Variants in HMCN1 observed in about 807,000 individuals in gnomAD.
The protein encoded by HMCN1 is hemicentin 1.
HMCN1 carries 321 observed loss-of-function variants against 625.9 expected under a neutral mutation model. The observed-to-expected ratio is 0.51, with a 90% confidence interval of 0.47 to 0.56. HMCN1 has a LOEUF of 0.56. Among genes scored for constraint, HMCN1 ranks in the 20% least tolerant of loss-of-function variants. The pLI, the probability that HMCN1 is intolerant of heterozygous loss-of-function variation, is 0.00. For synonymous variants in HMCN1, 2,425 were observed against 2,417.6 expected, an observed-to-expected ratio of 1.00 and a Z score of -0.09; for missense variants, 6,588 against 6,887.3, an observed-to-expected ratio of 0.96 and a Z score of 1.54.
At chr1:185,866,541 A>G (rs1480368236) in intron 4 of HMCN1, among the ~76,000 whole-genome samples, 1 of 151,136 alleles carries the variant, frequency 6.6e-6, no homozygotes, top group African/African-American at 2.4e-5. Flanking sequence ...AGTAGCTGGG[A>G]CTACAGGCGC....
chr1:185,778,080 G>C (rs1407667310), intron 1 of HMCN1, among the ~76,000 whole-genome samples: 2 of 152,148 alleles, frequency 1.3e-5, no homozygotes, highest in African/African-American at 4.8e-5. Context: ...TTGAGTTTCA[G>C]ATCTTCCAGA....
At position 186,178,751 on chromosome 1, in the gene HMCN1, C is replaced by T. The variant is rs764087411; in HGVS notation, c.16279C>T (p.His5427Tyr). 1 of 1,606,812 alleles carries T rather than the reference C, an allele frequency of 6.2e-7. No homozygotes were observed. Residue 5427 changes from histidine (H) to tyrosine (Y), a missense_variant, in exon 104 of 107, where the codon CAT becomes TAT. By Grantham distance (83) the His-to-Tyr change is moderately conservative. Coordinates refer to ENST00000271588, the MANE Select transcript of HMCN1 (RefSeq NM_031935.3). ...TTGCCCTGAAGGCTCTGAGGCAAGCCATGACACATGTGTAGGTAAATGTCA... is the reference window on the plus strand; with the variant it reads ...TTGCCCTGAAGGCTCTGAGGCAAGCTATGACACATGTGTAGGTAAATGTCA... ...KTCPEGSEAS[H>Y]DTCVDIDECE... is the part of the protein sequence containing the mutation.
At position 185,951,376 on chromosome 1, in the gene HMCN1, C is replaced by G. The variant is rs185921267; in HGVS notation, c.1829-11142C>G. ...GTTTTAAGAGGTTTAGAAGCCTGGC[C>G]GTCAATACCCACAACAGTTATGGAG... On this transcript the variant is annotated intron_variant, in intron 11 of 106. Coordinates refer to ENST00000271588, the MANE Select transcript of HMCN1 (RefSeq NM_031935.3). 6.6e-5 allele frequency among the ~76,000 whole-genome samples: 10 copies of G among 150,786 alleles called. No individual in the cohort carries two copies. The South Asian group carries it at 2.1e-3, about 32-fold the overall frequency.
intron 18 of HMCN1, among the ~76,000 whole-genome samples, chr1:185,983,696 C>A (rs1651815083): frequency 6.6e-6 from 1 of 152,178 alleles, no homozygotes. Flanking sequence ...CTAATATTTG[C>A]ATCTGTTACC....
At chr1:185,741,789 C>T (rs760729993) in intron 1 of HMCN1, among the ~76,000 whole-genome samples, 21 of 152,154 alleles carry the variant, frequency 1.4e-4, no homozygotes, top group East Asian at 9.7e-4. Context: ...AATAGTTTCA[C>T]GGAGGAGATG....
intron 4 of HMCN1, among the ~76,000 whole-genome samples, chr1:185,891,956 T>C (rs58159343): frequency 0.11 from 16,884 of 147,782 alleles, 3,754 homozygotes; most frequent in African/African-American, 0.42. Flanking sequence ...ACCAATCAGA[T>C]GTAGATTTGG....
intron 26 of HMCN1, among the ~76,000 whole-genome samples, chr1:186,000,994 A>G (rs1442327239): frequency 2.6e-5 from 4 of 151,068 alleles, no homozygotes; most frequent in Non-Finnish European, 4.5e-5. Context: ...CATGTGACTT[A>G]ATTAAGACCC....
chr1:186,086,394 T>G lies in HMCN1; in HGVS notation c.9033T>G (p.Thr3011=). The G allele has an allele frequency of 6.2e-7, 1 of 1,613,118 alleles. No homozygotes were observed. The highest frequency in any genetic ancestry group is 8.5e-7 in the Non-Finnish European group (1 of 1,179,446). ...NEQPIKLNTN[T]LIVPGGRTLQ... is the part of the protein sequence containing the mutation. ...AGCCCATCAAACTGAACACAAATAC[T>G]CTCATTGTGCCTGGTAAGGAACTTC... Residue 3011 remains threonine (T), a synonymous_variant, in exon 58 of 107, where the codon ACT becomes ACG. Transcript: ENST00000271588.
At chr1:185,974,837 CT>C (rs1259776973) in intron 15 of HMCN1, among the ~76,000 whole-genome samples, 1 of 152,160 alleles carries the variant, frequency 6.6e-6, no homozygotes, top group Non-Finnish European at 1.5e-5. Flanking sequence ...CTCAAAGCTG[CT>C]TTACAATGGA....
chr1:185,753,906 G>T (rs1042773152), intron 1 of HMCN1, among the ~76,000 whole-genome samples: 9 of 152,148 alleles, frequency 5.9e-5, no homozygotes, highest in Non-Finnish European at 1.3e-4. Context: ...TGATCCAGCA[G>T]TCACACTTCT....
chr1:186,183,421 G>A (rs1052379457), intron 105 of HMCN1, among the ~76,000 whole-genome samples: 10 of 152,146 alleles, frequency 6.6e-5, no homozygotes, highest in African/African-American at 2.4e-4. Context: ...GGTCATGTGG[G>A]CCAGAGATGA....
At chr1:185,735,096 T>G in intron 1 of HMCN1, 49 bp downstream of exon 1, 2 of 1,555,816 alleles carry the variant, frequency 1.3e-6, no homozygotes, top group Non-Finnish European at 1.8e-6. Flanking sequence ...ATGATTACAT[T>G]ATTTCTCATG....
chr1:186,106,810 T>C (rs1660631452), intron 69 of HMCN1, 74 bp from the exon 70 acceptor site: 1 of 1,062,990 alleles, frequency 9.4e-7, no homozygotes, highest in Non-Finnish European at 1.5e-6. Context: ...TTTACATTCA[T>C]TCTAGTGGAT....
intron 4 of HMCN1, among the ~76,000 whole-genome samples, chr1:185,902,911 T>A (rs1048264186): frequency 6.6e-6 from 1 of 151,422 alleles, no homozygotes; most frequent in African/African-American, 2.4e-5. Context: ...CTCACTGAGA[T>A]TTGGCCATTC....
chr1:186,151,740 A>G lies in HMCN1; in HGVS notation c.14893A>G (p.Thr4965Ala), dbSNP rs986747936. 1 of 1,613,592 alleles carries G rather than the reference A, an allele frequency of 6.2e-7. No homozygotes were observed. The highest frequency in any genetic ancestry group is 8.5e-7 in the Non-Finnish European group (1 of 1,179,616). Residue 4965 changes from threonine (T) to alanine (A), a missense_variant, in exon 95 of 107, where the codon ACT (threonine) becomes GCT (alanine). Thr to Ala is a moderately conservative substitution (Grantham distance 58). Transcript: ENST00000271588. The stretch of plus-strand genomic sequence containing the variant: ...AAGAGAAACTCAAGTGGAATTTGCA[A>G]CTGGTTAGTGTCAGCTGAATTTAAT... ...FKRETQVEFATGEILQMSHIA... is the reference protein window; with the variant it reads ...FKRETQVEFAAGEILQMSHIA...
intron 36 of HMCN1, among the ~76,000 whole-genome samples, chr1:186,037,028 GT>G (rs1324895300): frequency 2.0e-5 from 3 of 151,656 alleles, no homozygotes; most frequent in Non-Finnish European, 4.4e-5. Context: ...ATTTTTTCTT[GT>G]TTTCTTTCCT....
intron 42 of HMCN1, among the ~76,000 whole-genome samples, chr1:186,049,749 A>T (rs577940303): frequency 7.4e-4 from 112 of 152,166 alleles, no homozygotes; most frequent in Admixed American, 1.8e-3. Flanking sequence ...TAAAAATAAA[A>T]CTAGATGAAA....
Position 186,007,261 on chromosome 1 carries a change from G to A in HMCN1, c.4609G>A (p.Asp1537Asn). 3 of 1,613,702 alleles carry A rather than the reference G, an allele frequency of 1.9e-6. No homozygotes were observed. Among genetic ancestry groups the A allele is most frequent in the Non-Finnish European group, 1.7e-6 (2 of 1,179,710 alleles). Residue 1537 changes from aspartate to asparagine, a missense_variant, in exon 30 of 107, where the codon GAT becomes AAT. Around this residue, in one of 3 missense-constraint regions of HMCN1, gnomAD observed 4,628 missense variants for 4,853.1 expected, o/e 0.95. Coordinates refer to ENST00000271588, the MANE Select transcript of HMCN1 (RefSeq NM_031935.3). ...VSNAAGKQAKDIKLTIYIPPS... is the reference protein window; with the variant it reads ...VSNAAGKQAKNIKLTIYIPPS... Reference sequence around the variant, plus strand: ...TAATGCAGCTGGCAAACAAGCCAAGGATATAAAACTGACTATCTATAGTAA... The same window carrying A: ...TAATGCAGCTGGCAAACAAGCCAAGAATATAAAACTGACTATCTATAGTAA...
chr1:186,144,571 T>C lies in HMCN1; in HGVS notation c.14134T>C (p.Cys4712Arg). 1 of 1,614,114 alleles carries C rather than the reference T, an allele frequency of 6.2e-7. No individual in the cohort carries two copies. The highest frequency in any genetic ancestry group is 8.5e-7 in the Non-Finnish European group (1 of 1,180,004). ...KWATWASWSA[C>R]SVSCGGGARQ... ...GGCGACTTGGGCCAGTTGGAGTGCC[T>C]GTTCTGTGTCATGTGGAGGAGGTGC... Residue 4712 changes from cysteine to arginine, a missense_variant, in exon 91 of 107, where the codon TGT (cysteine) becomes CGT (arginine). By Grantham distance (180) the Cys-to-Arg change is radical. Transcript: ENST00000271588.
Sources: allele counts gnomAD v4.1 joint callset (sites outside exome capture counted in the v4.1 genomes callset), GRCh38; gene constraint gnomAD v4.1.1; regional missense constraint gnomAD v4.1.1; transcripts MANE v1.5; gene names NCBI Gene and HGNC (gene_info 2026-07-23, HGNC 2026-07-21).